The following PCDH9 variants were observed in gnomAD, a reference collection of about 807,000 sequenced individuals.
PCDH9 encodes the protein protocadherin-9.
Under a neutral mutation model 70.6 loss-of-function variants are expected in PCDH9, and 24 were observed. The ratio of observed to expected loss-of-function variants is 0.34; its 90% CI spans 0.25 to 0.48. PCDH9 has a LOEUF of 0.48. Among genes scored for constraint, PCDH9 ranks in the 20% least tolerant of loss-of-function variants. The pLI is 0.99. For synonymous variants in PCDH9, 562 were observed against 558.5 expected, an observed-to-expected ratio of 1.01 and a Z score of -0.09; for missense variants, 1,281 against 1,503.6, an observed-to-expected ratio of 0.85 and a Z score of 2.45.
chr13:67,148,366 T>C (rs758085856), intron 2 of PCDH9, among the ~76,000 whole-genome samples: 1 of 152,116 alleles, frequency 6.6e-6, no homozygotes. Flanking sequence ...GGAATACTTA[T>C]AGTCTTTGAA....
intron 3 of PCDH9, among the ~76,000 whole-genome samples, chr13:66,775,531 C>G (rs1428494375): frequency 6.6e-6 from 1 of 152,106 alleles, no homozygotes; most frequent in Non-Finnish European, 1.5e-5. Context: ...AGACCAACCC[C>G]TCCTCTTTCT....
At chr13:66,644,743 C>A (rs906898129) in intron 3 of PCDH9, among the ~76,000 whole-genome samples, 13 of 151,968 alleles carry the variant, frequency 8.6e-5, no homozygotes, top group African/African-American at 3.1e-4. Flanking sequence ...TTGTGGTCCT[C>A]AATTGTCCTC....
At chr13:66,488,642 T>C (rs945441754) in intron 4 of PCDH9, among the ~76,000 whole-genome samples, 4 of 152,136 alleles carry the variant, frequency 2.6e-5, no homozygotes, top group African/African-American at 9.7e-5. Flanking sequence ...AAATAATATG[T>C]ATTAGTAGAA....
chr13:66,520,534 G>A (rs1959943535), intron 4 of PCDH9, among the ~76,000 whole-genome samples: 1 of 152,168 alleles, frequency 6.6e-6, no homozygotes, highest in Admixed American at 6.5e-5. Flanking sequence ...CAATCTCCCT[G>A]GGAACAGACA....
chr13:66,564,142 A>G (rs2138718030), intron 4 of PCDH9, among the ~76,000 whole-genome samples: 1 of 152,210 alleles, frequency 6.6e-6, no homozygotes, highest in East Asian at 1.9e-4. Context: ...GACATTGACC[A>G]CTTGTTTCAA....
chr13:67,037,018 A>G (rs772291411), intron 2 of PCDH9, among the ~76,000 whole-genome samples: 8 of 152,182 alleles, frequency 5.3e-5, no homozygotes, highest in Admixed American at 2.0e-4. Flanking sequence ...TTTAACATAC[A>G]CCCAGCACTA....
At chr13:66,800,957 C>G (rs934543661) in intron 3 of PCDH9, among the ~76,000 whole-genome samples, 3 of 150,486 alleles carry the variant, frequency 2.0e-5, no homozygotes, top group Non-Finnish European at 3.0e-5. Flanking sequence ...CTTGTTATTA[C>G]TATTGTTATT....
chr13:67,021,845 C>T (rs2084679010), intron 2 of PCDH9, among the ~76,000 whole-genome samples: 1 of 152,038 alleles, frequency 6.6e-6, no homozygotes, highest in African/African-American at 2.4e-5. Flanking sequence ...TAGGCATGAG[C>T]CACCATGCCT....
At chr13:66,795,938 C>A (rs559467693) in intron 3 of PCDH9, among the ~76,000 whole-genome samples, 1 of 152,290 alleles carries the variant, frequency 6.6e-6, no homozygotes, top group African/African-American at 2.4e-5. Flanking sequence ...CCTCTCTCCT[C>A]TGGGAAGCAG....
chr13:66,797,158 A>C (rs2080255480), intron 3 of PCDH9, among the ~76,000 whole-genome samples: 1 of 152,124 alleles, frequency 6.6e-6, no homozygotes, highest in Non-Finnish European at 1.5e-5. Flanking sequence ...AGTTCTTTTG[A>C]CTGGGAGTTA....
intron 2 of PCDH9, among the ~76,000 whole-genome samples, chr13:66,967,510 C>G (rs1335560686): frequency 6.6e-6 from 1 of 151,926 alleles, no homozygotes; most frequent in African/African-American, 2.4e-5. Context: ...TAGGAGAGTG[C>G]TGTTTTAGTG....
intron 2 of PCDH9, among the ~76,000 whole-genome samples, chr13:66,974,736 C>A (rs1212881277): frequency 6.6e-6 from 1 of 151,998 alleles, no homozygotes; most frequent in Non-Finnish European, 1.5e-5. Flanking sequence ...AGAAACAAAT[C>A]CCATTCATAA....
intron 3 of PCDH9, among the ~76,000 whole-genome samples, chr13:66,810,750 T>C (rs185348742): frequency 2.6e-4 from 40 of 151,926 alleles, no homozygotes; most frequent in Admixed American, 7.2e-4. Flanking sequence ...GAGAGCAAAA[T>C]ATTTTCCAGT....
intron 4 of PCDH9, among the ~76,000 whole-genome samples, chr13:66,624,613 A>T (rs952436340): frequency 2.0e-5 from 3 of 152,228 alleles, no homozygotes; most frequent in Non-Finnish European, 4.4e-5. Flanking sequence ...TAAGTTCCAG[A>T]GGGAACTTTC....
At chr13:67,203,066 C>G (rs1198407536) in intron 2 of PCDH9, 1 of 152,112 alleles carries the variant, frequency 6.6e-6, no homozygotes, top group Non-Finnish European at 1.5e-5. Flanking sequence ...ATTCCTTTAA[C>G]TGTAAAGTAT....
chr13:66,518,992 T>C (rs1959870193), intron 4 of PCDH9, among the ~76,000 whole-genome samples: 2 of 152,160 alleles, frequency 1.3e-5, no homozygotes, highest in African/African-American at 2.4e-5. Flanking sequence ...CCAGATATAA[T>C]ATACATTTTC....
At chr13:66,584,056 CTT>C (rs369641961) in intron 4 of PCDH9, among the ~76,000 whole-genome samples, 163 of 152,230 alleles carry the variant, frequency 1.1e-3, no homozygotes, top group African/African-American at 3.8e-3. Flanking sequence ...ATTGCAGACA[CTT>C]TGATTGTTTG....
rs189183239 is a variant in PCDH9 at position 67,222,874 on chromosome 13, G to A, written c.3036+2531C>T. On this transcript the variant is annotated intron_variant, in intron 2 of 4. Coordinates refer to ENST00000377865, the MANE Select transcript of PCDH9 (RefSeq NM_203487.3). ...AGTTCAGTGAAAACAAATTTTTAAA[G>A]AGTAGTATATATTTGATGTCGTTCA... 1.1e-4 allele frequency: 17 copies of A among 152,208 alleles called. No individual in the cohort carries two copies. In the East Asian group the frequency reaches 3.1e-3, roughly 28 times the overall value. 9.4% of individuals were successfully genotyped at this position (152,208 alleles called of 1,614,324 possible).
chr13:66,494,989 C>A (rs1959090405), intron 4 of PCDH9, among the ~76,000 whole-genome samples: 1 of 150,462 alleles, frequency 6.6e-6, no homozygotes. Flanking sequence ...TTATATAAGA[C>A]AGAGGAGAGG....
Sources: allele counts gnomAD v4.1 joint callset (sites outside exome capture counted in the v4.1 genomes callset), GRCh38; gene constraint gnomAD v4.1.1; transcripts MANE v1.5; gene names NCBI Gene and HGNC (gene_info 2026-07-23, HGNC 2026-07-21).